ERFL: variants seen among roughly 807,000 people sequenced by gnomAD.
The protein encoded by ERFL is ETS repressor factor like, also known as ETS domain-containing transcription factor ERF-like.
Under a neutral mutation model 27.9 loss-of-function variants are expected in ERFL, and 8 were observed. The observed-to-expected ratio is 0.29, with a 90% CI of 0.17 to 0.52. ERFL has a LOEUF of 0.52. ERFL is among the 20% of genes least tolerant of loss of function. The probability of loss-of-function intolerance (pLI) is 0.97; values close to 1 mark genes in which losing one functional copy is unlikely to be tolerated. For synonymous variants in ERFL, 174 were observed against 202.8 expected, an observed-to-expected ratio of 0.86 and a Z score of 1.21; for missense variants, 294 against 444.4, an observed-to-expected ratio of 0.66 and a Z score of 3.04.
intron 1 of ERFL, among the ~76,000 whole-genome samples, chr19:41,922,400 G>A (rs1245839738): frequency 6.6e-6 from 1 of 152,164 alleles, no homozygotes. Flanking sequence ...AATAGGGATG[G>A]AGCCGAGAGC....
chr19:41,925,161 G>A (rs1168072024), intron 1 of ERFL, among the ~76,000 whole-genome samples: 2 of 152,068 alleles, frequency 1.3e-5, no homozygotes, highest in African/African-American at 4.8e-5. Context: ...ATGCATAGTG[G>A]GTGTCGAAGC....
At chr19:41,912,978 G>C (rs1555851390) in intron 1 of ERFL, 46 bp from the exon 2 acceptor site, 2 of 911,700 alleles carry the variant, frequency 2.2e-6, no homozygotes, top group East Asian at 6.6e-5. Flanking sequence ...GGGCAGGAGA[G>C]ACAGACACAG....
chr19:41,908,415 A>G lies in ERFL; in HGVS notation c.878T>C (p.Leu293Pro), dbSNP rs2074731239. The change falls in exon 6 of 6, where the codon CTG (leucine) becomes CCG (proline). Residue 293 changes from leucine to proline, a missense_variant. By Grantham distance (98) the Leu-to-Pro change is moderately conservative. Around this residue, in one of 3 missense-constraint regions of ERFL, gnomAD observed 246 missense variants for 371.4 expected, o/e 0.66. Transcript: ENST00000597630. The surrounding 1 kb of genome is among the most constrained non-coding windows in gnomAD (Gnocchi z 6.7). ...EGLGPERPSG[L>P]AAAPRLALPG... is the part of the protein sequence containing the mutation. ...CAGCGCCAGGCGAGGGGCCGCTGCC[A>G]GGCCCGAGGGGCGCTCGGGGCCCAG... The G allele has an allele frequency of 1.6e-6, 2 of 1,231,058 alleles. No homozygotes were observed. Among genetic ancestry groups the G allele is most frequent in the African/African-American group, 1.6e-5 (1 of 64,374 alleles). 76.3% of individuals were successfully genotyped at this position (1,231,058 alleles called of 1,614,324 possible).
intron 1 of ERFL, among the ~76,000 whole-genome samples, chr19:41,926,682 CGGAGCGCGTCT>C (rs1456046959): frequency 6.7e-6 from 1 of 150,296 alleles, no homozygotes; most frequent in Non-Finnish European, 1.5e-5. Context: ...CTTGGCGATG[CGGAGCGCGTCT>C]GGGCCGCGGC....
In ERFL at chr19:41,909,112, G is replaced by A; in HGVS notation, c.564C>T (p.Thr188=). 1.6e-6 allele frequency: 2 copies of A among 1,231,898 alleles called. No homozygotes were observed. Among genetic ancestry groups the A allele is most frequent in the Non-Finnish European group, 2.0e-6 (2 of 988,116 alleles). The allele number at this position is 1,231,898 out of a possible 1,614,324, so 76.3% of individuals were successfully genotyped here. The change falls in exon 5 of 6, where the codon ACC becomes ACT. Residue 188 remains threonine, a synonymous_variant. Transcript: ENST00000597630. The surrounding 1 kb of genome is among the most constrained non-coding windows in gnomAD (Gnocchi z 5.2). ...CCAGACGCAATTTATCTGTCTCGGA[G>A]GTGAACAGGGGTGTCCGGGCCCCTG... ...GEPGARTPLF[T]SETDKLRLDS... is the part of the protein sequence containing the mutation.
At chr19:41,923,017 G>T (rs1399136858) in intron 1 of ERFL, 6 of 396,224 alleles carry the variant, frequency 1.5e-5, no homozygotes, top group Non-Finnish European at 1.5e-5. Flanking sequence ...CTAGGGAAGA[G>T]GCGGGAGGGG....
intron 1 of ERFL, among the ~76,000 whole-genome samples, chr19:41,918,301 C>T (rs902051004): frequency 4.0e-5 from 6 of 151,430 alleles, no homozygotes; most frequent in Non-Finnish European, 7.4e-5. Flanking sequence ...ACCACAGACA[C>T]ACCTAGCCCC....
At position 41,921,528 on chromosome 19, in the gene ERFL, T is replaced by C. The variant is rs907082697; in HGVS notation, c.-14+6512A>G. On this transcript the variant is annotated intron_variant, in intron 1 of 5. Coordinates refer to ENST00000597630, the MANE Select transcript of ERFL (RefSeq NM_001365103.2). The surrounding 1 kb of genome is among the most constrained non-coding windows in gnomAD (Gnocchi z 4.4). ...AGACAGAGAGACAGGCAGGGGGAGATCCGAGGTGGGGAAACACGGCAGAAG... is the reference window on the plus strand; with the variant it reads ...AGACAGAGAGACAGGCAGGGGGAGACCCGAGGTGGGGAAACACGGCAGAAG... Among the ~76,000 whole-genome samples the C allele has an allele frequency of 1.3e-5, 2 of 150,380 alleles. No individual in the cohort carries two copies. Among genetic ancestry groups the C allele is most frequent in the Non-Finnish European group, 3.0e-5 (2 of 67,696 alleles).
Position 41,910,517 on chromosome 19 carries a change from CT to C in ERFL, c.68-421del, listed in dbSNP as rs1222277462. On this transcript the variant is annotated intron_variant, in intron 2 of 5. Coordinates refer to ENST00000597630, the MANE Select transcript of ERFL (RefSeq NM_001365103.2). The surrounding 1 kb of genome is among the most constrained non-coding windows in gnomAD (Gnocchi z 4.4). ...CTTGTACCCTGCGGTGCCCTCAGCT[CT>C]TACTGTCTCTGTTCCCCATTCCCTG... is the stretch of plus-strand genomic sequence containing the variant. Among the ~76,000 whole-genome samples, 1 of 152,140 alleles carries C rather than the reference CT, an allele frequency of 6.6e-6. No individual in the cohort carries two copies. Among genetic ancestry groups the C allele is most frequent in the Admixed American group, 6.6e-5 (1 of 15,262 alleles).
chr19:41,914,610 CT>C (rs1470874852), intron 1 of ERFL, among the ~76,000 whole-genome samples: 6 of 56,348 alleles, frequency 1.1e-4, no homozygotes, highest in Non-Finnish European at 1.6e-4. Flanking sequence ...CTGTCTCTCC[CT>C]CCCCTTCCAC....
In ERFL at chr19:41,921,530, C is replaced by T. The variant is rs375327365; in HGVS notation, c.-14+6510G>A. 1.4e-5 allele frequency among the ~76,000 whole-genome samples: 2 copies of T among 147,816 alleles called. No individual in the cohort carries two copies. The highest frequency in any genetic ancestry group is 1.9e-4 in the East Asian group (1 of 5,178). On this transcript the variant is annotated intron_variant, in intron 1 of 5. Transcript: ENST00000597630. This position sits in a 1 kb window ranked among gnomAD's most constrained non-coding sequence, Gnocchi z 4.4. ...ACAGAGAGACAGGCAGGGGGAGATC[C>T]GAGGTGGGGAAACACGGCAGAAGGA...
In ERFL at chr19:41,921,058, AGGGAGCGTCCCCG is replaced by A. The variant is rs1274149824; in HGVS notation, c.-14+6969_-14+6981del. Among the ~76,000 whole-genome samples, 1 of 152,002 alleles carries A rather than the reference AGGGAGCGTCCCCG, an allele frequency of 6.6e-6. No individual in the cohort carries two copies. Among genetic ancestry groups the A allele is most frequent in the Non-Finnish European group, 1.5e-5 (1 of 67,998 alleles). On this transcript the variant is annotated intron_variant, in intron 1 of 5. Coordinates refer to ENST00000597630, the MANE Select transcript of ERFL (RefSeq NM_001365103.2). The surrounding 1 kb of genome is among the most constrained non-coding windows in gnomAD (Gnocchi z 4.4). ...GAATGGTGTCAGTTGAGGGGTGGCGAGGGAGCGTCCCCGGGGAGGTGGGAGCCGCAGTGCCACG... is the reference window on the plus strand; with the variant it reads ...GAATGGTGTCAGTTGAGGGGTGGCGAGGGAGGTGGGAGCCGCAGTGCCACG...
At chr19:41,918,586 CAT>C (rs1169256589) in intron 1 of ERFL, among the ~76,000 whole-genome samples, 1 of 149,518 alleles carries the variant, frequency 6.7e-6, no homozygotes, top group Non-Finnish European at 1.5e-5. Flanking sequence ...ACACACAGTA[CAT>C]ACACTACCCA....
intron 2 of ERFL, among the ~76,000 whole-genome samples, chr19:41,911,588 C>T (rs2074751917): frequency 6.6e-6 from 1 of 152,158 alleles, no homozygotes; most frequent in Non-Finnish European, 1.5e-5. Flanking sequence ...CGGGGAGCTC[C>T]AGGCAGTCTC....
Position 41,910,239 on chromosome 19 carries a change from A to C in ERFL, c.68-142T>G. The C allele has an allele frequency of 2.5e-6, 2 of 809,716 alleles. No homozygotes were observed. The highest frequency in any genetic ancestry group is 2.7e-5 in the East Asian group (1 of 37,126). 50.2% of individuals were successfully genotyped at this position (809,716 alleles called of 1,614,324 possible). A position where few individuals can be genotyped will look rare whatever the true frequency, so the allele number is the denominator to read the frequency against. ...TAGGGACCTGGTTTCCACACTCCAAACCTCCTCCCTTTGTGTCTGGTCCCC... is the reference window on the plus strand; with the variant it reads ...TAGGGACCTGGTTTCCACACTCCAACCCTCCTCCCTTTGTGTCTGGTCCCC... On this transcript the variant is annotated intron_variant, in intron 2 of 5. Transcript: ENST00000597630. This position sits in a 1 kb window ranked among gnomAD's most constrained non-coding sequence, Gnocchi z 4.4.
Position 41,912,845 on chromosome 19 carries a change from C to T in ERFL, c.67+8G>A. ...GGGGAAGGGGTGGGGGAGGTCCGGG[C>T]CAGTTACCGGGGGTCCAGAGAGCCG... is the stretch of plus-strand genomic sequence containing the variant. On this transcript the variant is annotated splice_region_variant and intron_variant, in intron 2 of 5. Coordinates refer to ENST00000597630, the MANE Select transcript of ERFL (RefSeq NM_001365103.2). 3 of 1,200,616 alleles carry T rather than the reference C, an allele frequency of 2.5e-6. No individual in the cohort carries two copies. Among genetic ancestry groups the T allele is most frequent in the Non-Finnish European group, 2.1e-6 (2 of 959,724 alleles). 74.4% of individuals were successfully genotyped at this position (1,200,616 alleles called of 1,614,324 possible).
chr19:41,908,755 T>A lies in ERFL; in HGVS notation c.617-79A>T. On this transcript the variant is annotated intron_variant, in intron 5 of 5. Coordinates refer to ENST00000597630, the MANE Select transcript of ERFL (RefSeq NM_001365103.2). The surrounding 1 kb of genome is among the most constrained non-coding windows in gnomAD (Gnocchi z 6.7). ...TAAAGGGGGCTGCCTCCCTGCCATA[T>A]CCCACCCCATCTCCCCGCATCCCTC... 1 of 688,610 alleles carries A rather than the reference T, an allele frequency of 1.5e-6. No individual in the cohort carries two copies. The highest frequency in any genetic ancestry group is 2.0e-6 in the Non-Finnish European group (1 of 491,896). 42.7% of individuals were successfully genotyped at this position (688,610 alleles called of 1,614,324 possible).
In ERFL at chr19:41,910,752, G is replaced by A. The variant is rs887364210; in HGVS notation, c.68-655C>T. Among the ~76,000 whole-genome samples the A allele has an allele frequency of 6.6e-6, 1 of 152,248 alleles. No homozygotes were observed. Among genetic ancestry groups the A allele is most frequent in the South Asian group, 2.1e-4 (1 of 4,824 alleles). The stretch of plus-strand genomic sequence containing the variant: ...GTGCGTGGACACACACATGCCCACG[G>A]AAGACATGTCACACAGACATCAGTT... On this transcript the variant is annotated intron_variant, in intron 2 of 5. Coordinates refer to ENST00000597630, the MANE Select transcript of ERFL (RefSeq NM_001365103.2). The surrounding 1 kb of genome is among the most constrained non-coding windows in gnomAD (Gnocchi z 4.4).
intron 1 of ERFL, among the ~76,000 whole-genome samples, chr19:41,920,423 ACTCACAGACATGACACG>A (rs1400162851): frequency 1.5e-5 from 2 of 133,348 alleles, no homozygotes; most frequent in Non-Finnish European, 3.2e-5. Flanking sequence ...GACATGACAC[ACTCACAGACATGACACG>A]CTCACAGACA....
Sources: allele counts gnomAD v4.1 joint callset (sites outside exome capture counted in the v4.1 genomes callset), GRCh38; gene constraint gnomAD v4.1.1; regional missense constraint gnomAD v4.1.1; non-coding constraint Gnocchi (gnomAD v3.1); transcripts MANE v1.5; gene names NCBI Gene and HGNC (gene_info 2026-07-23, HGNC 2026-07-21).